The following CDH18 variants were observed in gnomAD, a reference collection of about 807,000 sequenced individuals.
CDH18 encodes the protein cadherin 18.
Under a neutral mutation model 67.9 loss-of-function variants are expected in CDH18, and 31 were observed. The observed-to-expected ratio is 0.46, with a 90% CI of 0.34 to 0.62. CDH18 has a LOEUF of 0.62. CDH18 is among the 20% of genes least tolerant of loss of function. CDH18 has a pLI of 0.01. For missense variants in CDH18, 890 were observed against 975.5 expected (o/e 0.91, Z 1.17); for synonymous variants, 362 against 347.2 (o/e 1.04, Z -0.48).
chr5:20,283,848 A>C (rs1746475911), intron 1 of CDH18, among the ~76,000 whole-genome samples: 1 of 152,066 alleles, frequency 6.6e-6, no homozygotes, highest in South Asian at 2.1e-4. Flanking sequence ...TTTGGAAGCA[A>C]ATTAAATTTC....
chr5:20,219,947 T>C (rs1321089678), intron 2 of CDH18, among the ~76,000 whole-genome samples: 1 of 151,820 alleles, frequency 6.6e-6, no homozygotes, highest in Non-Finnish European at 1.5e-5. Context: ...TAATGAAAAC[T>C]ATAAAACATT....
intron 10 of CDH18, among the ~76,000 whole-genome samples, chr5:19,503,878 T>G (rs1314410158): frequency 1.3e-5 from 2 of 152,146 alleles, no homozygotes; most frequent in Admixed American, 6.6e-5. Flanking sequence ...ATTTTCCTCT[T>G]TTGAAAATTA....
intron 8 of CDH18, among the ~76,000 whole-genome samples, chr5:19,570,112 A>AT (rs544106197): frequency 1.3e-5 from 2 of 151,298 alleles, no homozygotes; most frequent in Non-Finnish European, 3.0e-5. Flanking sequence ...ATGGTGCTAC[A>AT]TTTTTTTTTA....
intron 2 of CDH18, among the ~76,000 whole-genome samples, chr5:20,104,626 G>A (rs945476802): frequency 2.6e-5 from 4 of 151,828 alleles, no homozygotes; most frequent in African/African-American, 9.7e-5. Flanking sequence ...ACCTGTCCAC[G>A]TCTGTCCCTC....
At chr5:20,393,327 C>CAT (rs1562027957) in intron 1 of CDH18, among the ~76,000 whole-genome samples, 1 of 151,838 alleles carries the variant, frequency 6.6e-6, no homozygotes, top group Non-Finnish European at 1.5e-5. Context: ...ATTTTAGAAG[C>CAT]ATATATATAC....
intron 2 of CDH18, among the ~76,000 whole-genome samples, chr5:20,168,436 A>T (rs1736460275): frequency 6.6e-6 from 1 of 152,098 alleles, no homozygotes; most frequent in African/African-American, 2.4e-5. Flanking sequence ...AAAAATAAAC[A>T]TTATTATTTA....
chr5:19,820,293 C>T (rs960465151), intron 3 of CDH18, among the ~76,000 whole-genome samples: 2 of 152,104 alleles, frequency 1.3e-5, no homozygotes, highest in Non-Finnish European at 2.9e-5. Context: ...GCAATCCGGG[C>T]ACAGAAGGTT....
intron 2 of CDH18, among the ~76,000 whole-genome samples, chr5:19,933,770 G>A (rs1362360721): frequency 5.3e-5 from 8 of 151,274 alleles, no homozygotes; most frequent in African/African-American, 1.9e-4. Context: ...GCACATTTTA[G>A]CGTCCATTTC....
intron 5 of CDH18, among the ~76,000 whole-genome samples, chr5:19,656,780 C>G (rs1364429053): frequency 6.6e-6 from 1 of 151,898 alleles, no homozygotes; most frequent in East Asian, 1.9e-4. Context: ...TTGTGAAGTA[C>G]TAAAGGGTGC....
chr5:19,811,475 C>T (rs115248531), intron 3 of CDH18, among the ~76,000 whole-genome samples: 53 of 152,132 alleles, frequency 3.5e-4, no homozygotes, highest in African/African-American at 1.2e-3. Context: ...TCTTTCCCTT[C>T]GAAGGAACCA....
intron 1 of CDH18, among the ~76,000 whole-genome samples, chr5:20,376,586 A>G (rs1399143496): frequency 6.6e-6 from 1 of 151,570 alleles, no homozygotes; most frequent in East Asian, 1.9e-4. Context: ...AAAGGAAAGC[A>G]AAGAGAAAAG....
intron 5 of CDH18, among the ~76,000 whole-genome samples, chr5:19,695,199 A>C (rs2150443456): frequency 6.6e-6 from 1 of 152,302 alleles, no homozygotes; most frequent in East Asian, 1.9e-4. Flanking sequence ...CATAGAAAAT[A>C]ATGCAGTAAT....
intron 1 of CDH18, among the ~76,000 whole-genome samples, chr5:20,258,031 T>C (rs964079182): frequency 1.3e-5 from 2 of 152,100 alleles, no homozygotes; most frequent in East Asian, 3.9e-4. Flanking sequence ...GAGCTCTTCA[T>C]TTCAATTCAT....
intron 1 of CDH18, among the ~76,000 whole-genome samples, chr5:20,402,990 C>T (rs1384567759): frequency 1.4e-5 from 2 of 147,452 alleles, no homozygotes; most frequent in Non-Finnish European, 3.0e-5. Context: ...TGAGACCAGC[C>T]TGGCCAACAT....
chr5:20,102,624 C>T (rs1179987630), intron 2 of CDH18, among the ~76,000 whole-genome samples: 3 of 152,120 alleles, frequency 2.0e-5, no homozygotes, highest in Non-Finnish European at 2.9e-5. Context: ...GGCTAAGATG[C>T]TTTCATTTCA....
chr5:20,409,760 C>G (rs1269367709), intron 1 of CDH18, among the ~76,000 whole-genome samples: 2 of 150,876 alleles, frequency 1.3e-5, no homozygotes, highest in Non-Finnish European at 3.0e-5. Flanking sequence ...GCTAGACTAA[C>G]TAAGAATAAA....
chr5:19,520,828 G>C (rs1174840961), intron 9 of CDH18, 50 bp from the exon 10 acceptor site: 1 of 1,591,068 alleles, frequency 6.3e-7, no homozygotes, highest in Non-Finnish European at 8.6e-7. Flanking sequence ...CACTTTAGAG[G>C]CTCGGTTTAA....
At chr5:19,890,546 T>C (rs914685189) in intron 2 of CDH18, among the ~76,000 whole-genome samples, 1 of 151,812 alleles carries the variant, frequency 6.6e-6, no homozygotes, top group African/African-American at 2.4e-5. Context: ...GCACAGAAAA[T>C]GCAGACATTT....
At chr5:19,942,050 A>G (rs1794877740) in intron 2 of CDH18, among the ~76,000 whole-genome samples, 1 of 152,108 alleles carries the variant, frequency 6.6e-6, no homozygotes, top group Non-Finnish European at 1.5e-5. Context: ...AAGAAGACAT[A>G]ATCAGGAAAG....
Sources: allele counts gnomAD v4.1 joint callset (sites outside exome capture counted in the v4.1 genomes callset), GRCh38; gene constraint gnomAD v4.1.1; transcripts MANE v1.5; gene names NCBI Gene and HGNC (gene_info 2026-07-23, HGNC 2026-07-21).